Variants in SUMF1 observed in about 807,000 individuals in gnomAD.
The protein encoded by SUMF1 is sulfatase modifying factor 1.
Under a neutral mutation model 47.6 loss-of-function variants are expected in SUMF1, and 48 were observed. That is an observed-to-expected ratio of 1.01 (90% CI 0.80 to 1.28). SUMF1 has a LOEUF of 1.28. Among genes scored for constraint, SUMF1 ranks in the 50% most tolerant of loss-of-function variants. The pLI is 0.00. For missense variants in SUMF1, 571 were observed against 485.4 expected (o/e 1.18, Z -1.66); for synonymous variants, 230 against 192.1 (o/e 1.20, Z -1.63).
At chr3:4,146,770 A>T (rs2125101558) in intron 8 of SUMF1, among the ~76,000 whole-genome samples, 1 of 148,098 alleles carries the variant, frequency 6.8e-6, no homozygotes, top group African/African-American at 2.5e-5. Flanking sequence ...CCCACCTATG[A>T]GTGAGAACAT....
intron 9 of SUMF1, among the ~76,000 whole-genome samples, chr3:4,036,849 C>CAAAA (rs3048145): frequency 2.7e-5 from 2 of 75,144 alleles, no homozygotes; most frequent in African/African-American, 1.2e-4. Context: ...GTCAGTGAGG[C>CAAAA]AAAAAAAAAA....
chr3:4,153,522 G>GTTTTTTT (rs66765266), intron 8 of SUMF1, among the ~76,000 whole-genome samples: 8 of 145,550 alleles, frequency 5.5e-5, no homozygotes, highest in Admixed American at 1.4e-4. Context: ...CGCCTTGTAG[G>GTTTTTTT]TTTTTTTTTT....
At chr3:4,466,361 C>T (rs1390348151) in intron 1 of SUMF1, among the ~76,000 whole-genome samples, 1 of 152,164 alleles carries the variant, frequency 6.6e-6, no homozygotes, top group Non-Finnish European at 1.5e-5. Context: ...CCGCGCGCTT[C>T]GGCCTCCCAA....
At chr3:4,357,047 C>A (rs1387154009), downstream of SUMF1, among the ~76,000 whole-genome samples, 2 of 152,174 alleles carry the variant, frequency 1.3e-5, no homozygotes, top group East Asian at 1.9e-4. Flanking sequence ...TTAAAGTCGA[C>A]TGATGGAGAA....
chr3:4,136,016 G>A (rs2125091645), intron 8 of SUMF1, among the ~76,000 whole-genome samples: 1 of 152,208 alleles, frequency 6.6e-6, no homozygotes, highest in South Asian at 2.1e-4. Flanking sequence ...CTCATGAGTA[G>A]GAACAATCAA....
At chr3:4,457,051 CGT>C (rs1441427682) in intron 1 of SUMF1, among the ~76,000 whole-genome samples, 3 of 65,402 alleles carry the variant, frequency 4.6e-5, no homozygotes, top group South Asian at 4.1e-4. Context: ...TATATATATA[CGT>C]GTGTGTATAT....
intron 8 of SUMF1, among the ~76,000 whole-genome samples, chr3:4,157,138 T>A (rs1462113210): frequency 6.6e-6 from 1 of 151,540 alleles, no homozygotes; most frequent in African/African-American, 2.4e-5. Context: ...CCCATTTAAT[T>A]TCTTGGTGTT....
chr3:4,097,930 GAC>G (rs1161685740), intron 8 of SUMF1, among the ~76,000 whole-genome samples: 1 of 152,090 alleles, frequency 6.6e-6, no homozygotes, highest in Non-Finnish European at 1.5e-5. Flanking sequence ...AAATTCTCAA[GAC>G]ACAGCCTGCT....
At chr3:4,254,196 A>T (rs573684844) in intron 8 of SUMF1, among the ~76,000 whole-genome samples, 1 of 152,072 alleles carries the variant, frequency 6.6e-6, no homozygotes, top group African/African-American at 2.4e-5. Context: ...AACTCTAAAA[A>T]GCAGAGCGCC....
intron 9 of SUMF1, among the ~76,000 whole-genome samples, chr3:4,041,136 G>A (rs572850115): frequency 2.0e-5 from 3 of 152,212 alleles, no homozygotes; most frequent in South Asian, 2.1e-4. Flanking sequence ...GCAGTGGTGC[G>A]ATCTCAGCTC....
chr3:4,126,816 T>C (rs530743653), intron 8 of SUMF1, among the ~76,000 whole-genome samples: 87 of 152,218 alleles, frequency 5.7e-4, no homozygotes, highest in Non-Finnish European at 1.1e-3. Flanking sequence ...TTTTCAGTCC[T>C]GTCACTATCA....
At chr3:4,375,315 A>T (rs1041906299) in intron 8 of SUMF1, among the ~76,000 whole-genome samples, 4 of 152,084 alleles carry the variant, frequency 2.6e-5, no homozygotes, top group Non-Finnish European at 4.4e-5. Context: ...TATATACATA[A>T]AATCTAGAGA....
At chr3:4,123,294 G>A (rs529276299) in intron 8 of SUMF1, among the ~76,000 whole-genome samples, 1 of 152,242 alleles carries the variant, frequency 6.6e-6, no homozygotes, top group African/African-American at 2.4e-5. Flanking sequence ...GCAGAAGCTA[G>A]TTTACTAATA....
At chr3:4,037,924 T>A (rs191278758) in intron 9 of SUMF1, among the ~76,000 whole-genome samples, 1 of 152,228 alleles carries the variant, frequency 6.6e-6, no homozygotes, top group East Asian at 1.9e-4. Flanking sequence ...CGGGTTATGT[T>A]ATTGAGGTAT....
chr3:4,186,213 G>A (rs1695197820), intron 8 of SUMF1, among the ~76,000 whole-genome samples: 1 of 152,116 alleles, frequency 6.6e-6, no homozygotes, highest in Non-Finnish European at 1.5e-5. Flanking sequence ...GGCAGATGCT[G>A]TATGTCACAA....
chr3:4,110,987 G>C (rs988899452), intron 8 of SUMF1, among the ~76,000 whole-genome samples: 2 of 148,704 alleles, frequency 1.3e-5, no homozygotes, highest in African/African-American at 5.0e-5. Context: ...ATAACTTAAA[G>C]TATAATAATA....
chr3:4,466,161 G>A (rs904940848), intron 1 of SUMF1, among the ~76,000 whole-genome samples: 1 of 152,124 alleles, frequency 6.6e-6, no homozygotes, highest in African/African-American at 2.4e-5. Context: ...GCCCAGGCTG[G>A]AGTGCAGTGG....
At chr3:4,095,897 G>A (rs1692892372) in intron 8 of SUMF1, among the ~76,000 whole-genome samples, 1 of 152,040 alleles carries the variant, frequency 6.6e-6, no homozygotes, top group Non-Finnish European at 1.5e-5. Flanking sequence ...ATCATTTTAA[G>A]GCCCAACTCA....
chr3:4,364,216 T>C (rs1009201860), intron 8 of SUMF1, among the ~76,000 whole-genome samples: 2 of 131,078 alleles, frequency 1.5e-5, no homozygotes, highest in Non-Finnish European at 3.4e-5. Context: ...CCGGCTTTGG[T>C]ATCAGGATGA....
Sources: gnomAD v4.1 joint callset for allele counts (sites outside exome capture counted in the v4.1 genomes callset) on GRCh38, gnomAD v4.1.1 for gene constraint, MANE v1.5 for transcripts, NCBI Gene and HGNC (gene_info 2026-07-23, HGNC 2026-07-21) for gene names.